The following CCDC14 variants were observed in gnomAD, a reference collection of about 807,000 sequenced individuals.
CCDC14 encodes the protein coiled-coil domain containing 14.
CCDC14 carries 71 observed loss-of-function variants against 81.4 expected under a neutral mutation model. The ratio of observed to expected loss-of-function variants is 0.87; its 90% CI spans 0.72 to 1.06. CCDC14 has a LOEUF of 1.06. CCDC14 is among the 50% of genes least tolerant of loss of function. CCDC14 has a pLI of 0.00. For missense variants in CCDC14, 1,046 were observed against 1,047.3 expected, an observed-to-expected ratio of 1.00 and a Z score of 0.02; for synonymous variants, 332 against 364.8, an observed-to-expected ratio of 0.91 and a Z score of 1.03.
intron 9 of CCDC14, among the ~76,000 whole-genome samples, chr3:123,938,508 T>C (rs577912414): frequency 2.4e-4 from 37 of 152,066 alleles, no homozygotes; most frequent in African/African-American, 8.4e-4. Context: ...GTAGATTCCA[T>C]AGGATCTTCT....
chr3:123,911,951 G>T (rs1425860450), downstream of CCDC14, among the ~76,000 whole-genome samples: 1 of 152,132 alleles, frequency 6.6e-6, no homozygotes, highest in Non-Finnish European at 1.5e-5. Context: ...AAACTCCAGG[G>T]GTGGTGGGAA....
chr3:123,947,295 G>C lies in CCDC14; in HGVS notation c.709C>G (p.Gln237Glu), dbSNP rs769380950. 5 of 1,610,722 alleles carry C rather than the reference G, an allele frequency of 3.1e-6. No individual in the cohort carries two copies. Among genetic ancestry groups the C allele is most frequent in the Non-Finnish European group, 3.4e-6 (4 of 1,177,460 alleles). ...ACTGTTTTACCTTGTGATGCAAACT[G>C]ACTGTTGCCATCAGTTTGAACTTCC... ...HSEVQTDGNS[Q>E]FASQGKTVSA... The change falls in exon 8 of 13, where the codon CAG becomes GAG. Residue 237 changes from glutamine (Q) to glutamate (E), a missense_variant. By Grantham distance (29) the Gln-to-Glu change is conservative (BLOSUM62 2). Transcript: ENST00000409697.
chr3:123,888,774 G>C, the CCDC14 span, among the ~76,000 whole-genome samples: 4 of 152,046 alleles, frequency 2.6e-5, no homozygotes, highest in Non-Finnish European at 1.5e-5. Flanking sequence ...GAACAGCAAG[G>C]GGGAAATCCA....
rs988465604 is a variant in CCDC14, at chr3:123,916,960, G to C, written c.1779-1242C>G. Among the ~76,000 whole-genome samples the C allele has an allele frequency of 2.6e-5, 4 of 151,986 alleles. 1 individual carries two copies. The Middle Eastern group carries it at 0.01, about 388-fold the overall frequency. On this transcript the variant is annotated intron_variant, in intron 12 of 12. Transcript: ENST00000409697. ...GGGTTCATGCCATTCTCCTGCCTCA[G>C]CCTCTTGAGTAGCTGGGACTACAGG...
At chr3:123,916,999 G>A (rs532450883) in intron 12 of CCDC14, among the ~76,000 whole-genome samples, 2 of 151,760 alleles carry the variant, frequency 1.3e-5, no homozygotes, top group Admixed American at 6.6e-5. Flanking sequence ...CCTCCACCAC[G>A]CAGGGCTAAT....
intron 12 of CCDC14, 150 bp from the exon 13 acceptor site, chr3:123,915,868 C>T (rs1280694493): frequency 2.3e-5 from 13 of 570,282 alleles, no homozygotes; most frequent in Admixed American, 3.4e-5. Context: ...AATCACAGAA[C>T]GTGCTTTGGC....
chr3:123,917,652 AT>A (rs56023403), intron 12 of CCDC14, among the ~76,000 whole-genome samples: 3 of 150,226 alleles, frequency 2.0e-5, no homozygotes, highest in Non-Finnish European at 3.0e-5. Flanking sequence ...TTTAAAAATG[AT>A]TTTTTTTTTG....
intron 12 of CCDC14, among the ~76,000 whole-genome samples, chr3:123,929,001 A>C (rs2035548280): frequency 1.3e-5 from 2 of 152,224 alleles, no homozygotes; most frequent in South Asian, 4.1e-4. Flanking sequence ...TTTATAAATA[A>C]AAGATATCAG....
chr3:123,902,915 T>C lies in CCDC14; in HGVS notation c.668-5302A>G, dbSNP rs181979394. 3.3e-4 allele frequency among the ~76,000 whole-genome samples: 51 copies of C among 152,254 alleles called. No individual in the cohort carries two copies. The South Asian group carries it at 5.2e-3, about 15-fold the overall frequency. On this transcript the variant is annotated intron_variant, in intron 5 of 5. Transcript: ENST00000479903. ...TTGCTGCACCTATCAACCCATCATC[T>C]AGGTTTTAGGCCCACATGCATTAGG...
intron 9 of CCDC14, among the ~76,000 whole-genome samples, chr3:123,934,270 CAAAAAAAAAA>C: frequency 1.9e-5 from 1 of 52,290 alleles, no homozygotes; most frequent in East Asian, 3.6e-4. Flanking sequence ...GACTCTGCCT[CAAAAAAAAAA>C]AAAAAAAAAA....
At position 123,946,300 on chromosome 3, in the gene CCDC14, CTTGAT is replaced by C. The variant is rs555510153; in HGVS notation, c.1201+498_1201+502del. On this transcript the variant is annotated intron_variant, in intron 8 of 12. Transcript: ENST00000409697. Reference sequence around the variant, plus strand: ...TGAATAGAATCTGGCTCAGAAACACCTTGATTTAAGAAAAAAAGTCCTAAAAATAC... The same window carrying C: ...TGAATAGAATCTGGCTCAGAAACACCTTAAGAAAAAAAGTCCTAAAAATAC... Among the ~76,000 whole-genome samples the C allele has an allele frequency of 2.0e-4, 31 of 151,746 alleles. No individual in the cohort carries two copies. The East Asian group carries it at 4.9e-3, about 24-fold the overall frequency.
intron 1 of CCDC14, chr3:123,958,713 T>C (rs1488844491): frequency 6.6e-6 from 1 of 152,104 alleles, no homozygotes; most frequent in East Asian, 1.9e-4. Context: ...TTAACATTGA[T>C]ACAGAATTAC....
At chr3:123,919,006 G>A (rs915611571) in intron 12 of CCDC14, among the ~76,000 whole-genome samples, 4 of 152,296 alleles carry the variant, frequency 2.6e-5, no homozygotes, top group African/African-American at 9.6e-5. Context: ...AGGCAAGTAT[G>A]CGGTGGCACC....
At chr3:123,934,295 A>AAAAAAAAAAT (rs61067432) in intron 9 of CCDC14, among the ~76,000 whole-genome samples, 1 of 146,152 alleles carries the variant, frequency 6.8e-6, no homozygotes, top group African/African-American at 2.5e-5. Context: ...AAAAAAAAAA[A>AAAAAAAAAAT]CCCTCATGAG....
At chr3:123,944,637 G>A (rs116591424) in intron 9 of CCDC14, among the ~76,000 whole-genome samples, 106 of 152,202 alleles carry the variant, frequency 7.0e-4, no homozygotes, top group African/African-American at 2.5e-3. Context: ...TGACAACAGG[G>A]GTAAAATAAG....
chr3:123,916,958 C>T (rs2034737271), intron 12 of CCDC14, among the ~76,000 whole-genome samples: 1 of 152,054 alleles, frequency 6.6e-6, no homozygotes. Flanking sequence ...TCTCCTGCCT[C>T]AGCCTCTTGA....
chr3:123,933,655 T>TA lies in CCDC14; in HGVS notation c.1426+17dup. 1 of 1,531,124 alleles carries TA rather than the reference T, an allele frequency of 6.5e-7. No individual in the cohort carries two copies. Among genetic ancestry groups the TA allele is most frequent in the African/African-American group, 1.4e-5 (1 of 73,166 alleles). 94.8% of individuals were successfully genotyped at this position (1,531,124 alleles called of 1,614,324 possible). A position where few individuals can be genotyped will look rare whatever the true frequency, so the allele number is the denominator to read the frequency against. ...GAGCCACAAATAATTTATCAATCCT[T>TA]AAAGTTCTTTTACCTACATTCAAGG... On this transcript the variant is annotated intron_variant, in intron 10 of 12. Transcript: ENST00000409697.
At chr3:123,897,904 T>A (rs1460249736) in intron 5 of CCDC14, among the ~76,000 whole-genome samples, 1 of 152,190 alleles carries the variant, frequency 6.6e-6, no homozygotes, top group Non-Finnish European at 1.5e-5. Flanking sequence ...GAGAAATCTA[T>A]CTACTGTATA....
At chr3:123,907,775 T>A (rs1369092143) in intron 5 of CCDC14, among the ~76,000 whole-genome samples, 2 of 151,922 alleles carry the variant, frequency 1.3e-5, no homozygotes, top group Non-Finnish European at 2.9e-5. Flanking sequence ...AGAAATTTAG[T>A]CTGCTAGCCT....
Sources: allele counts gnomAD v4.1 joint callset (sites outside exome capture counted in the v4.1 genomes callset), GRCh38; gene constraint gnomAD v4.1.1; transcripts MANE v1.5; gene names NCBI Gene and HGNC (gene_info 2026-07-23, HGNC 2026-07-21).